CLPTM1: variants seen among roughly 807,000 people sequenced by gnomAD.
CLPTM1 encodes CLPTM1 regulator of GABA type A receptor forward trafficking.
CLPTM1 carries 21 observed loss-of-function variants against 77.3 expected under a neutral mutation model. The observed-to-expected ratio is 0.27, with a 90% confidence interval of 0.19 to 0.39. CLPTM1 has a LOEUF of 0.39. Among genes scored for constraint, CLPTM1 ranks in the 10% least tolerant of loss-of-function variants. The pLI is 1.00. For missense variants in CLPTM1, 642 were observed against 921.2 expected, an observed-to-expected ratio of 0.70 and a Z score of 3.92; for synonymous variants, 373 against 381.0, an observed-to-expected ratio of 0.98 and a Z score of 0.24.
At position 44,992,164 on chromosome 19, in the gene CLPTM1, G is replaced by A; in HGVS notation, c.1556-69G>A. ...AGGAAGTGGTGAGGGGGCTGGTATGGCCAGTGCAGAGTGCACAGGGGAGAG... is the reference window on the plus strand; with the variant it reads ...AGGAAGTGGTGAGGGGGCTGGTATGACCAGTGCAGAGTGCACAGGGGAGAG... On this transcript the variant is annotated intron_variant, in intron 12 of 13. Transcript: ENST00000337392. This position sits in a 1 kb window ranked among gnomAD's most constrained non-coding sequence, Gnocchi z 7.7. 6.5e-7 allele frequency: 1 copy of A among 1,527,274 alleles called. No individual in the cohort carries two copies. Among genetic ancestry groups the A allele is most frequent in the Non-Finnish European group, 9.0e-7 (1 of 1,108,248 alleles). The allele number at this position is 1,527,274 out of a possible 1,614,324, so 94.6% of individuals were successfully genotyped here.
At chr19:44,985,904 A>G (rs1970969695) in intron 6 of CLPTM1, among the ~76,000 whole-genome samples, 1 of 152,178 alleles carries the variant, frequency 6.6e-6, no homozygotes, top group Admixed American at 6.5e-5. Flanking sequence ...AGCCTGGCCT[A>G]GGATGCCAGC....
chr19:44,966,082 A>G lies in CLPTM1; in HGVS notation c.185+4007A>G, dbSNP rs189523087. On this transcript the variant is annotated intron_variant, in intron 2 of 13. Coordinates refer to ENST00000337392, the MANE Select transcript of CLPTM1 (RefSeq NM_001294.4). Reference sequence around the variant, plus strand: ...TTATTTTACAAAATTAAGTAGTTCAAACAATACGAAGAGTGAAAAGAAAAA... The same window carrying G: ...TTATTTTACAAAATTAAGTAGTTCAGACAATACGAAGAGTGAAAAGAAAAA... Among the ~76,000 whole-genome samples the G allele has an allele frequency of 7.2e-5, 11 of 152,286 alleles. No homozygotes were observed. The East Asian group carries it at 2.1e-3, about 30-fold the overall frequency.
At chr19:44,956,207 T>G (rs957167821) in intron 1 of CLPTM1, among the ~76,000 whole-genome samples, 12 of 152,306 alleles carry the variant, frequency 7.9e-5, no homozygotes, top group African/African-American at 2.9e-4. Context: ...CCCACTGGGA[T>G]GTCACTGACA....
At position 44,991,210 on chromosome 19, in the gene CLPTM1, C is replaced by G. The variant is rs775298228; in HGVS notation, c.1420-28C>G. On this transcript the variant is annotated intron_variant, in intron 11 of 13. Coordinates refer to ENST00000337392, the MANE Select transcript of CLPTM1 (RefSeq NM_001294.4). This position sits in a 1 kb window ranked among gnomAD's most constrained non-coding sequence, Gnocchi z 5.4. ...CTGCCAGGCAGGGCTGAGGAGCTGG[C>G]TGACAGCCCCACCCTGTGGCCCCAC... 8 of 1,612,654 alleles carry G rather than the reference C, an allele frequency of 5.0e-6. No homozygotes were observed. The highest frequency in any genetic ancestry group is 6.8e-6 in the Non-Finnish European group (8 of 1,179,152).
intron 5 of CLPTM1, among the ~76,000 whole-genome samples, chr19:44,982,383 C>G (rs1254949679): frequency 2.0e-5 from 3 of 151,282 alleles, no homozygotes; most frequent in African/African-American, 4.9e-5. Context: ...TGTTTTATAT[C>G]ATAGCACTTC....
upstream of CLPTM1, chr19:44,954,948 T>A (rs1028763077): frequency 6.6e-7 from 1 of 1,526,280 alleles, no homozygotes; most frequent in African/African-American, 1.4e-5. Flanking sequence ...GCCAGAAAGG[T>A]TCCTCTGACG....
Position 44,990,214 on chromosome 19 carries a change from T to G in CLPTM1, c.1133-181T>G. ...CAGGGGTGCCGCCTGTCTGGTGCTCTGGGGGTCACCCAATGAATATGAGAG... is the reference window on the plus strand; with the variant it reads ...CAGGGGTGCCGCCTGTCTGGTGCTCGGGGGGTCACCCAATGAATATGAGAG... On this transcript the variant is annotated intron_variant, in intron 9 of 13. Transcript: ENST00000337392. This position sits in a 1 kb window ranked among gnomAD's most constrained non-coding sequence, Gnocchi z 4.8. 3.2e-6 allele frequency: 2 copies of G among 627,734 alleles called. No homozygotes were observed. Among genetic ancestry groups the G allele is most frequent in the Non-Finnish European group, 5.5e-6 (2 of 361,386 alleles). 38.9% of individuals were successfully genotyped at this position (627,734 alleles called of 1,614,324 possible).
rs768865324 is a variant in CLPTM1 at position 44,990,993 on chromosome 19, C to G, written c.1419+48C>G. On this transcript the variant is annotated intron_variant, in intron 11 of 13. Transcript: ENST00000337392. This position sits in a 1 kb window ranked among gnomAD's most constrained non-coding sequence, Gnocchi z 4.8. ...CCCTGGGGGTGGTCTCCAGGTACCA[C>G]GTATCCCTGAGGCACCCGGGGCCGG... 5.2e-6 allele frequency: 6 copies of G among 1,152,036 alleles called. No homozygotes were observed. The highest frequency in any genetic ancestry group is 1.9e-5 in the Admixed American group (1 of 51,710). The allele number at this position is 1,152,036 out of a possible 1,614,324, so 71.4% of individuals were successfully genotyped here.
At chr19:44,975,452 C>A (rs1409722838) in intron 4 of CLPTM1, among the ~76,000 whole-genome samples, 1 of 152,238 alleles carries the variant, frequency 6.6e-6, no homozygotes, top group Non-Finnish European at 1.5e-5. Context: ...TGCCCTCATT[C>A]CTTTCTCCCC....
chr19:44,974,525 G>T lies in CLPTM1; in HGVS notation c.396G>T (p.Val132=). Residue 132 remains valine, a synonymous_variant, in exon 4 of 14, where the codon GTG becomes GTT. Transcript: ENST00000337392. ...SALFWEQHDL[V]YGDWTSGENS... is the part of the protein sequence containing the mutation. ...TCTTCTGGGAACAGCACGATCTTGT[G>T]TATGGCGACTGGACTAGCGGCGAGA... is the stretch of plus-strand genomic sequence containing the variant. 2 of 1,614,214 alleles carry T rather than the reference G, an allele frequency of 1.2e-6. No individual in the cohort carries two copies. The highest frequency in any genetic ancestry group is 2.2e-5 in the South Asian group (2 of 91,088).
Position 44,990,671 on chromosome 19 carries a change from C to A in CLPTM1, c.1323+86C>A. 6.7e-7 allele frequency: 1 copy of A among 1,485,432 alleles called. No individual in the cohort carries two copies. Among genetic ancestry groups the A allele is most frequent in the Non-Finnish European group, 9.3e-7 (1 of 1,080,032 alleles). 92.0% of individuals were successfully genotyped at this position (1,485,432 alleles called of 1,614,324 possible). A position where few individuals can be genotyped will look rare whatever the true frequency, so the allele number is the denominator to read the frequency against. On this transcript the variant is annotated intron_variant, in intron 10 of 13. Transcript: ENST00000337392. The surrounding 1 kb of genome is among the most constrained non-coding windows in gnomAD (Gnocchi z 4.8). ...CCAGCTGGACCCTGGAGCTGGCCCC[C>A]GGGGGATTCCCAGCAAGTGCCTCAC...
chr19:44,962,992 T>C (rs1970568144), intron 2 of CLPTM1, among the ~76,000 whole-genome samples: 1 of 149,048 alleles, frequency 6.7e-6, no homozygotes, highest in Non-Finnish European at 1.5e-5. Flanking sequence ...GCTACTGCAC[T>C]CCAGCCTGGG....
chr19:44,964,353 C>G (rs1970594370), intron 2 of CLPTM1, among the ~76,000 whole-genome samples: 1 of 125,286 alleles, frequency 8.0e-6, no homozygotes, highest in Admixed American at 1.0e-4. Flanking sequence ...CTTTGTCACC[C>G]AGGCTGGAGT....
Position 44,976,873 on chromosome 19 carries a change from G to T in CLPTM1, c.469-470G>T, listed in dbSNP as rs954806803. On this transcript the variant is annotated intron_variant, in intron 4 of 13. Transcript: ENST00000337392. ...GGTGGTAACATGACCCATTGCATAA[G>T]GTTGACATGTTATATGTGTGTTAAC... 4.6e-5 allele frequency among the ~76,000 whole-genome samples: 7 copies of T among 152,184 alleles called. No individual in the cohort carries two copies. The East Asian group carries it at 5.8e-4, about 13-fold the overall frequency.
intron 2 of CLPTM1, among the ~76,000 whole-genome samples, chr19:44,972,251 ATTC>A (rs1231316646): frequency 7.0e-6 from 1 of 142,788 alleles, no homozygotes; most frequent in African/African-American, 2.6e-5. Flanking sequence ...GATCTCATTC[ATTC>A]TTTTTTTTTT....
In CLPTM1 at chr19:44,991,660, T is replaced by C. The variant is rs1971078018; in HGVS notation, c.1555+287T>C. 6.6e-6 allele frequency among the ~76,000 whole-genome samples: 1 copy of C among 151,962 alleles called. No individual in the cohort carries two copies. Among genetic ancestry groups the C allele is most frequent in the Non-Finnish European group, 1.5e-5 (1 of 67,970 alleles). The stretch of plus-strand genomic sequence containing the variant: ...GGCTCACACCTGTTATCCCAATGCT[T>C]TGGGAGGCTGAGGCAGGAGGATCAC... On this transcript the variant is annotated intron_variant, in intron 12 of 13. Transcript: ENST00000337392. The surrounding 1 kb of genome is among the most constrained non-coding windows in gnomAD (Gnocchi z 5.4).
Position 44,992,294 on chromosome 19 carries a change from T to C in CLPTM1, c.1617T>C (p.Leu539=). The C allele has an allele frequency of 6.2e-7, 1 of 1,614,050 alleles. No individual in the cohort carries two copies. The highest frequency in any genetic ancestry group is 8.5e-7 in the Non-Finnish European group (1 of 1,179,972). The change falls in exon 13 of 14, where the codon CTT becomes CTC. Residue 539 remains leucine (L), a synonymous_variant. Coordinates refer to ENST00000337392, the MANE Select transcript of CLPTM1 (RefSeq NM_001294.4). The surrounding 1 kb of genome is among the most constrained non-coding windows in gnomAD (Gnocchi z 7.7). ...ACAAGCTCAAGTCTGTGGCCCACCTTCCCTGGCGCATGCTCACCTACAAGG... is the reference window on the plus strand; with the variant it reads ...ACAAGCTCAAGTCTGTGGCCCACCTCCCCTGGCGCATGCTCACCTACAAGG... ...INYKLKSVAH[L]PWRMLTYKAL...
At chr19:44,987,647 T>C (rs1260490113) in intron 8 of CLPTM1, 2 of 605,594 alleles carry the variant, frequency 3.3e-6, no homozygotes, top group African/African-American at 3.7e-5. Flanking sequence ...TGTTGGACCC[T>C]TTGGGTCCAG....
chr19:44,970,829 C>CTT (rs199584346), intron 2 of CLPTM1, among the ~76,000 whole-genome samples: 1 of 124,114 alleles, frequency 8.1e-6, no homozygotes. Context: ...TCCTTTACTT[C>CTT]TTTTTTTTTT....
Sources: gnomAD v4.1 joint callset for allele counts (sites outside exome capture counted in the v4.1 genomes callset) on GRCh38, gnomAD v4.1.1 for gene constraint, Gnocchi (gnomAD v3.1) non-coding constraint, MANE v1.5 for transcripts, NCBI Gene and HGNC (gene_info 2026-07-23, HGNC 2026-07-21) for gene names.